The following UBE2E2 variants were observed in gnomAD, a reference collection of about 807,000 sequenced individuals.
The protein encoded by UBE2E2 is ubiquitin conjugating enzyme E2 E2, also known as ubiquitin-conjugating enzyme E2 E2.
Under a neutral mutation model 24.7 loss-of-function variants are expected in UBE2E2, and 6 were observed. The ratio of observed to expected loss-of-function variants is 0.24; its 90% CI spans 0.13 to 0.48. The LOEUF is 0.48. Ranked by LOEUF, UBE2E2 falls within the 20% of genes least tolerant of loss-of-function variation. UBE2E2 has a pLI of 0.99. For missense variants in UBE2E2, 169 were observed against 245.0 expected (o/e 0.69, Z 2.07); for synonymous variants, 104 against 83.6 (o/e 1.24, Z -1.33).
chr3:23,460,564 A>G (rs1368625813), intron 3 of UBE2E2, among the ~76,000 whole-genome samples: 3 of 152,348 alleles, frequency 2.0e-5, no homozygotes, highest in East Asian at 3.9e-4. Context: ...AGGAGTTACA[A>G]TATGTATATA....
intron 5 of UBE2E2, among the ~76,000 whole-genome samples, chr3:23,562,446 T>G (rs1199070896): frequency 6.6e-6 from 1 of 152,218 alleles, no homozygotes; most frequent in Non-Finnish European, 1.5e-5. Flanking sequence ...ATAAGCTTTT[T>G]GATGTGCTGC....
At chr3:23,299,265 T>A (rs1699003924) in intron 3 of UBE2E2, among the ~76,000 whole-genome samples, 1 of 152,218 alleles carries the variant, frequency 6.6e-6, no homozygotes, top group Admixed American at 6.5e-5. Flanking sequence ...TTGAAGGTTT[T>A]TTTGTGTCTC....
intron 3 of UBE2E2, among the ~76,000 whole-genome samples, chr3:23,393,849 A>C (rs1045602267): frequency 6.6e-6 from 1 of 152,232 alleles, no homozygotes; most frequent in Non-Finnish European, 1.5e-5. Context: ...ATATTCATAA[A>C]GTTGTATCGG....
chr3:23,423,819 C>T (rs1021145338), intron 3 of UBE2E2, among the ~76,000 whole-genome samples: 8 of 152,194 alleles, frequency 5.3e-5, no homozygotes, highest in Non-Finnish European at 8.8e-5. Flanking sequence ...AATCTCCGAT[C>T]AGTAGTAGTG....
intron 3 of UBE2E2, among the ~76,000 whole-genome samples, chr3:23,239,853 G>T (rs759167801): frequency 3.3e-5 from 5 of 152,174 alleles, no homozygotes; most frequent in Non-Finnish European, 5.9e-5. Context: ...TTGATGTACA[G>T]AATTACAGAA....
At chr3:23,224,009 CTG>C (rs1559445805) in intron 3 of UBE2E2, among the ~76,000 whole-genome samples, 1 of 152,100 alleles carries the variant, frequency 6.6e-6, no homozygotes. Flanking sequence ...ATCCATGTGT[CTG>C]TTTTTATGCC....
In UBE2E2 at chr3:23,515,918, A is replaced by G. The variant is rs1294039060; in HGVS notation, c.360+16178A>G. ...CAGGAGTTGGAGATAGCAGTGAGCTATAATGATGCCACTATACTCCAGCCT... is the reference window on the plus strand; with the variant it reads ...CAGGAGTTGGAGATAGCAGTGAGCTGTAATGATGCCACTATACTCCAGCCT... On this transcript the variant is annotated intron_variant, in intron 4 of 5. Coordinates refer to ENST00000396703, the MANE Select transcript of UBE2E2 (RefSeq NM_152653.4). 8.5e-5 allele frequency among the ~76,000 whole-genome samples: 13 copies of G among 152,288 alleles called. No homozygotes were observed. In the South Asian group the frequency reaches 2.5e-3, roughly 29 times the overall value.
intron 3 of UBE2E2, among the ~76,000 whole-genome samples, chr3:23,478,362 CT>C (rs1226496906): frequency 1.4e-4 from 22 of 152,106 alleles, no homozygotes; most frequent in African/African-American, 5.3e-4. Flanking sequence ...GTGGCTAACT[CT>C]GAGAAAATGG....
intron 3 of UBE2E2, among the ~76,000 whole-genome samples, chr3:23,405,393 CA>C (rs1697331502): frequency 6.6e-6 from 1 of 152,190 alleles, no homozygotes; most frequent in African/African-American, 2.4e-5. Flanking sequence ...TTGTTAGTGG[CA>C]GAGCCTGAAA....
intron 4 of UBE2E2, among the ~76,000 whole-genome samples, chr3:23,527,956 C>T (rs907439927): frequency 2.0e-5 from 3 of 152,128 alleles, no homozygotes; most frequent in African/African-American, 7.2e-5. Flanking sequence ...GTGTGAACTG[C>T]TTTAGCAAAT....
At chr3:23,402,184 T>C (rs967396526) in intron 3 of UBE2E2, among the ~76,000 whole-genome samples, 6 of 152,278 alleles carry the variant, frequency 3.9e-5, no homozygotes, top group Admixed American at 3.9e-4. Flanking sequence ...ATTTCTCCCA[T>C]TTGTCTCTCT....
intron 3 of UBE2E2, among the ~76,000 whole-genome samples, chr3:23,353,941 C>G (rs922837103): frequency 2.0e-5 from 3 of 152,090 alleles, no homozygotes; most frequent in Non-Finnish European, 4.4e-5. Context: ...CAGTCCTAAG[C>G]CAAAAGAACA....
chr3:23,504,912 C>CTTTCTTTTTTTTTTTTT (rs1694401271), intron 4 of UBE2E2, among the ~76,000 whole-genome samples: 1 of 95,072 alleles, frequency 1.1e-5, no homozygotes, highest in Non-Finnish European at 2.0e-5. Context: ...GACATTCTTT[C>CTTTCTTTTTTTTTTTTT]TTTTTTTTTT....
At chr3:23,537,688 C>CT (rs1353104154) in intron 5 of UBE2E2, among the ~76,000 whole-genome samples, 2 of 151,958 alleles carry the variant, frequency 1.3e-5, no homozygotes, top group African/African-American at 2.4e-5. Flanking sequence ...ACTTAAGGCC[C>CT]TTTTTTTAAG....
At chr3:23,269,370 C>G (rs560553354) in intron 3 of UBE2E2, among the ~76,000 whole-genome samples, 1 of 152,136 alleles carries the variant, frequency 6.6e-6, no homozygotes, top group South Asian at 2.1e-4. Context: ...AAAACAAACC[C>G]GCTTGGAGTT....
chr3:23,243,264 A>T (rs1697304105), intron 3 of UBE2E2, among the ~76,000 whole-genome samples: 3 of 152,180 alleles, frequency 2.0e-5, no homozygotes, highest in African/African-American at 7.2e-5. Context: ...CAATATGGAC[A>T]AACAATACTA....
chr3:23,516,041 C>G (rs990360569), intron 4 of UBE2E2, among the ~76,000 whole-genome samples: 2 of 152,050 alleles, frequency 1.3e-5, no homozygotes, highest in African/African-American at 4.8e-5. Flanking sequence ...TTACATCATT[C>G]CACTCCAAAA....
At chr3:23,536,734 G>C (rs141883614) in intron 5 of UBE2E2, among the ~76,000 whole-genome samples, 240 of 152,310 alleles carry the variant, frequency 1.6e-3, no homozygotes, top group African/African-American at 5.5e-3. Flanking sequence ...TGTAGATGGG[G>C]AGGAATATGG....
intron 5 of UBE2E2, among the ~76,000 whole-genome samples, chr3:23,585,362 C>T (rs752510591): frequency 2.9e-5 from 4 of 139,398 alleles, no homozygotes; most frequent in Non-Finnish European, 6.2e-5. Flanking sequence ...CAGAGTGAGA[C>T]CCTGTCTCAA....
Sources: gnomAD v4.1 joint callset for allele counts (sites outside exome capture counted in the v4.1 genomes callset) on GRCh38, gnomAD v4.1.1 for gene constraint, MANE v1.5 for transcripts, NCBI Gene and HGNC (gene_info 2026-07-23, HGNC 2026-07-21) for gene names.